Variants in WDFY2 observed in about 807,000 individuals in gnomAD.
WDFY2 encodes WD repeat and FYVE domain containing 2, also known as WD repeat and FYVE domain-containing protein 2.
A neutral mutation model predicts 56.4 loss-of-function variants in WDFY2; 36 were observed. The observed-to-expected ratio is 0.64, with a 90% CI of 0.49 to 0.84. The LOEUF is 0.84. WDFY2 is among the 40% of genes least tolerant of loss of function. WDFY2 has a pLI of 0.00. For missense variants in WDFY2, 444 were observed against 512.2 expected, an observed-to-expected ratio of 0.87 and a Z score of 1.29; for synonymous variants, 176 against 183.7, an observed-to-expected ratio of 0.96 and a Z score of 0.34.
chr13:51,715,006 A>G (rs1323705654), intron 4 of WDFY2, among the ~76,000 whole-genome samples: 5 of 152,216 alleles, frequency 3.3e-5, no homozygotes, highest in African/African-American at 1.2e-4. Context: ...TACAGTAAAA[A>G]TTTGCTGCAA....
At chr13:51,725,264 G>A (rs891450519) in intron 5 of WDFY2, among the ~76,000 whole-genome samples, 2 of 152,152 alleles carry the variant, frequency 1.3e-5, no homozygotes, top group African/African-American at 4.8e-5. Context: ...TAAGACTACT[G>A]AATGAGATTT....
chr13:51,693,557 A>T (rs2138553608), intron 3 of WDFY2, among the ~76,000 whole-genome samples: 1 of 152,218 alleles, frequency 6.6e-6, no homozygotes, highest in East Asian at 1.9e-4. Context: ...ACAGTTTGTT[A>T]TAATTTCTGT....
intron 1 of WDFY2, among the ~76,000 whole-genome samples, chr13:51,651,048 C>G (rs1243534143): frequency 1.3e-5 from 2 of 152,198 alleles, no homozygotes; most frequent in East Asian, 3.9e-4. Context: ...TGGTCCTGGA[C>G]TTTTTTTGGT....
intron 1 of WDFY2, among the ~76,000 whole-genome samples, chr13:51,597,247 T>G (rs1954168896): frequency 2.0e-5 from 3 of 152,180 alleles, no homozygotes; most frequent in Admixed American, 1.3e-4. Flanking sequence ...GTTGAGTTCT[T>G]GAGATTACTG....
chr13:51,602,455 T>C (rs1053824690), intron 1 of WDFY2, among the ~76,000 whole-genome samples: 1 of 152,224 alleles, frequency 6.6e-6, no homozygotes, highest in Non-Finnish European at 1.5e-5. Context: ...ATAGATACAC[T>C]CTATGATGTT....
At chr13:51,690,952 G>T (rs952131616) in intron 3 of WDFY2, among the ~76,000 whole-genome samples, 3 of 152,126 alleles carry the variant, frequency 2.0e-5, no homozygotes, top group African/African-American at 7.2e-5. Context: ...GCCAGTGATG[G>T]TGAGCATTTT....
chr13:51,654,164 G>C (rs1955461489), intron 1 of WDFY2, among the ~76,000 whole-genome samples: 1 of 152,196 alleles, frequency 6.6e-6, no homozygotes, highest in Admixed American at 6.5e-5. Flanking sequence ...TGCTGTGCTA[G>C]CAGTGAGCAA....
chr13:51,713,005 G>A (rs920417959), intron 4 of WDFY2, among the ~76,000 whole-genome samples: 7 of 152,066 alleles, frequency 4.6e-5, no homozygotes, highest in East Asian at 3.8e-4. Context: ...CACAAAGAAA[G>A]CTCCAGGCCC....
intron 6 of WDFY2, among the ~76,000 whole-genome samples, chr13:51,734,865 A>G (rs948523422): frequency 1.3e-5 from 2 of 152,260 alleles, no homozygotes; most frequent in Non-Finnish European, 2.9e-5. Context: ...AATGAAGTCA[A>G]ATGAAATGGA....
rs185494938 is a variant in WDFY2, at chr13:51,695,568, T to C, written c.280-8028T>C. Among the ~76,000 whole-genome samples, 862 of 152,288 alleles carry C rather than the reference T, an allele frequency of 5.7e-3. 12 individuals carry two copies. The highest frequency in any genetic ancestry group is 0.02 in the African/African-American group (839 of 41,546). The stretch of plus-strand genomic sequence containing the variant: ...GTTTTGTCTCAGAGGAGTACCCAGC[T>C]GTGTGAGGTGTCAGTCTGCCCCTAC... On this transcript the variant is annotated intron_variant, in intron 3 of 11. Coordinates refer to ENST00000298125, the MANE Select transcript of WDFY2 (RefSeq NM_052950.4).
intron 2 of WDFY2, among the ~76,000 whole-genome samples, chr13:51,666,175 A>T (rs1955696798): frequency 6.6e-6 from 1 of 152,256 alleles, no homozygotes; most frequent in South Asian, 2.1e-4. Flanking sequence ...GGTGAACAGC[A>T]TGAACGATAG....
chr13:51,696,209 C>G (rs1405307514), intron 3 of WDFY2, among the ~76,000 whole-genome samples: 6 of 152,282 alleles, frequency 3.9e-5, no homozygotes, highest in East Asian at 3.9e-4. Context: ...GTCTGGCACT[C>G]CCTAGTGAGA....
At chr13:51,720,432 G>A (rs1347785889) in intron 5 of WDFY2, among the ~76,000 whole-genome samples, 3 of 152,194 alleles carry the variant, frequency 2.0e-5, no homozygotes, top group African/African-American at 7.2e-5. Context: ...GCTCATCTTT[G>A]AGAGGGTAGT....
intron 4 of WDFY2, among the ~76,000 whole-genome samples, chr13:51,709,100 ATAAG>A (rs1487449048): frequency 6.6e-6 from 1 of 152,206 alleles, no homozygotes; most frequent in Non-Finnish European, 1.5e-5. Context: ...AATTGATAGA[ATAAG>A]TAGGCAGAGA....
At chr13:51,593,512 T>C (rs909940269) in intron 1 of WDFY2, among the ~76,000 whole-genome samples, 3 of 152,330 alleles carry the variant, frequency 2.0e-5, no homozygotes, top group African/African-American at 7.2e-5. Flanking sequence ...CTTATAGTTA[T>C]GTATGCATAT....
At position 51,584,814 on chromosome 13, in the gene WDFY2, T is replaced by C; in HGVS notation, c.127T>C (p.Ser43Pro). 1 of 1,613,820 alleles carries C rather than the reference T, an allele frequency of 6.2e-7. No individual in the cohort carries two copies. Among genetic ancestry groups the C allele is most frequent in the Non-Finnish European group, 8.5e-7 (1 of 1,179,784 alleles). ...VPKEEGVISV[S>P]EDRTVRVWLK... Reference sequence around the variant, plus strand: ...CAAAGAGGAGGGCGTCATCAGCGTCTCCGAGGACAGGTATGGACTACTGCC... The same window carrying C: ...CAAAGAGGAGGGCGTCATCAGCGTCCCCGAGGACAGGTATGGACTACTGCC... Residue 43 changes from serine (S) to proline (P), a missense_variant, in exon 1 of 12, where the codon TCC (serine) becomes CCC (proline). Ser to Pro is a moderately conservative substitution (Grantham distance 74). Coordinates refer to ENST00000298125, the MANE Select transcript of WDFY2 (RefSeq NM_052950.4).
chr13:51,654,401 C>T (rs1035343061), intron 1 of WDFY2, among the ~76,000 whole-genome samples: 1 of 152,174 alleles, frequency 6.6e-6, no homozygotes, highest in African/African-American at 2.4e-5. Context: ...GTGTGCTGCA[C>T]CCACTGTCCT....
intron 4 of WDFY2, among the ~76,000 whole-genome samples, chr13:51,717,869 A>G (rs1358683059): frequency 3.3e-5 from 5 of 152,158 alleles, no homozygotes; most frequent in African/African-American, 9.7e-5. Context: ...AGCATCAGGC[A>G]TTTGTTGAAT....
In WDFY2 at chr13:51,764,851, A is replaced by G. The variant is rs1953698036; in HGVS notation, c.*5082A>G. 2 of 152,312 alleles carry G rather than the reference A, an allele frequency of 1.3e-5. No homozygotes were observed. The highest frequency in any genetic ancestry group is 4.8e-5 in the African/African-American group (2 of 41,424). The allele number at this position is 152,312 out of a possible 1,614,324, so 9.4% of individuals were successfully genotyped here. ...CAGGAAGGACTCCCAGACTAACGCC[A>G]AAGGTGTGTTGGGCTCAGCTGCTCC... On this transcript the variant is annotated 3_prime_UTR_variant, in exon 12 of 12. Coordinates refer to ENST00000298125, the MANE Select transcript of WDFY2 (RefSeq NM_052950.4).
Sources: allele counts gnomAD v4.1 joint callset (sites outside exome capture counted in the v4.1 genomes callset), GRCh38; gene constraint gnomAD v4.1.1; transcripts MANE v1.5; gene names NCBI Gene and HGNC (gene_info 2026-07-23, HGNC 2026-07-21).